MICAL2: variants seen among roughly 807,000 people sequenced by gnomAD.
The protein encoded by MICAL2 is [F-actin]-monooxygenase MICAL2.
In MICAL2, 77 loss-of-function variants were observed where a neutral mutation model predicts 127.3. That is an observed-to-expected ratio of 0.60 (90% CI 0.50 to 0.73). The LOEUF is 0.73. Among genes scored for constraint, MICAL2 ranks in the 30% least tolerant of loss-of-function variants. MICAL2 has a pLI of 0.00. For synonymous variants in MICAL2, 570 were observed against 551.1 expected (o/e 1.03, Z -0.48); for missense variants, 1,351 against 1,434.4 (o/e 0.94, Z 0.94).
At chr11:12,193,663 G>C (rs935482980) in intron 3 of MICAL2, among the ~76,000 whole-genome samples, 2 of 152,200 alleles carry the variant, frequency 1.3e-5, no homozygotes, top group African/African-American at 4.8e-5. Context: ...GTGACTCCCA[G>C]CTCCACCCTT....
chr11:12,189,121 A>G (rs2134006125), intron 3 of MICAL2, among the ~76,000 whole-genome samples: 1 of 152,176 alleles, frequency 6.6e-6, no homozygotes, highest in South Asian at 2.1e-4. Flanking sequence ...TCCAGCCTGA[A>G]TTTGTAATCT....
chr11:12,295,965 A>G (rs573312970), downstream of MICAL2, among the ~76,000 whole-genome samples: 1 of 152,250 alleles, frequency 6.6e-6, no homozygotes, highest in Admixed American at 6.5e-5. Flanking sequence ...TTTGCATACC[A>G]CCAATGAAAA....
chr11:12,223,222 T>A (rs1857027035), intron 11 of MICAL2, among the ~76,000 whole-genome samples, 189 bp from the exon 12 acceptor site: 1 of 152,194 alleles, frequency 6.6e-6, no homozygotes, highest in East Asian at 1.9e-4. Flanking sequence ...TTTGCCTGCA[T>A]CTGGGTGGAA....
chr11:12,220,054 C>G, intron 8 of MICAL2, 147 bp from the exon 9 acceptor site: 1 of 936,016 alleles, frequency 1.1e-6, no homozygotes, highest in Non-Finnish European at 1.6e-6. Flanking sequence ...TTTATTTCCT[C>G]TTTATTCCCT....
chr11:12,290,602 G>A (rs186903984), downstream of MICAL2, among the ~76,000 whole-genome samples: 233 of 152,290 alleles, frequency 1.5e-3, no homozygotes, highest in African/African-American at 5.4e-3. Context: ...CCTTCTAATC[G>A]TGGGCTGCGA....
intron 3 of MICAL2, among the ~76,000 whole-genome samples, chr11:12,178,939 T>G (rs1034139355): frequency 6.6e-6 from 1 of 152,112 alleles, no homozygotes; most frequent in Non-Finnish European, 1.5e-5. Flanking sequence ...CCCCTGCTCT[T>G]CGCCCCCACT....
In MICAL2 at chr11:12,256,905, T is replaced by A; in HGVS notation, c.3076T>A (p.Cys1026Ser). The A allele has an allele frequency of 6.2e-7, 1 of 1,613,542 alleles. No individual in the cohort carries two copies. Among genetic ancestry groups the A allele is most frequent in the Non-Finnish European group, 8.5e-7 (1 of 1,179,818 alleles). ...CGAGGGCCACTTCTTCCACCGGGAG[T>A]GTTTCCGCTGCAGCATCTGTGCCAC... The part of the protein sequence containing the change: ...SAEGHFFHRE[C>S]FRCSICATTL... Residue 1026 changes from cysteine (C) to serine (S), a missense_variant, in exon 24 of 28, where the codon TGT becomes AGT. Cys to Ser is a moderately radical substitution (Grantham distance 112). Transcript: ENST00000683283.
At chr11:12,169,298 CAGT>C (rs1855949488) in intron 3 of MICAL2, among the ~76,000 whole-genome samples, 1 of 152,178 alleles carries the variant, frequency 6.6e-6, no homozygotes. Context: ...TGCTTTATCT[CAGT>C]AGGTGTGGAT....
At chr11:12,186,652 C>G (rs1858326696) in intron 3 of MICAL2, among the ~76,000 whole-genome samples, 1 of 152,184 alleles carries the variant, frequency 6.6e-6, no homozygotes, top group African/African-American at 2.4e-5. Context: ...AGCTGCAAAA[C>G]AAGGACAATA....
Position 12,162,314 on chromosome 11 carries a change from C to T in MICAL2, c.159C>T (p.Leu53=). 1 of 1,614,222 alleles carries T rather than the reference C, an allele frequency of 6.2e-7. No homozygotes were observed. Among genetic ancestry groups the T allele is most frequent in the South Asian group, 1.1e-5 (1 of 91,084 alleles). Residue 53 remains leucine, a synonymous_variant, in exon 3 of 28, where the codon CTC becomes CTT. Transcript: ENST00000683283. ...PLDHRNFYSK[L]KSKVTTWKAK... ...ACCACAGAAACTTTTATTCCAAGCTCAAGTCCAAGGTGACCACCTGGAAAG... is the reference window on the plus strand; with the variant it reads ...ACCACAGAAACTTTTATTCCAAGCTTAAGTCCAAGGTGACCACCTGGAAAG...
At chr11:12,166,022 T>C (rs970299793) in intron 3 of MICAL2, among the ~76,000 whole-genome samples, 1 of 152,196 alleles carries the variant, frequency 6.6e-6, no homozygotes, top group Non-Finnish European at 1.5e-5. Context: ...GATAACTGGC[T>C]CTGTATTAGG....
At chr11:12,341,400 AACACAC>A in intron 32 of MICAL2, among the ~76,000 whole-genome samples, 1 of 152,218 alleles carries the variant, frequency 6.6e-6, no homozygotes, top group Admixed American at 6.5e-5. Flanking sequence ...TTGGATAAAA[AACACAC>A]ACCAATACAT....
chr11:12,242,135 T>G (rs1295814125), intron 18 of MICAL2, 79 bp from the exon 19 acceptor site: 4 of 1,248,266 alleles, frequency 3.2e-6, no homozygotes, highest in African/African-American at 1.5e-5. Flanking sequence ...GTCTCTGGTC[T>G]TCATGGGGGA....
chr11:12,216,710 G>A (rs1178950541), intron 8 of MICAL2, among the ~76,000 whole-genome samples: 1 of 152,142 alleles, frequency 6.6e-6, no homozygotes, highest in Non-Finnish European at 1.5e-5. Flanking sequence ...ATGCTGTGGA[G>A]CCTTGTCACA....
chr11:12,342,457 A>T (rs1007497916), intron 32 of MICAL2, among the ~76,000 whole-genome samples: 1 of 152,268 alleles, frequency 6.6e-6, no homozygotes, highest in African/African-American at 2.4e-5. Context: ...AAGTTACAAA[A>T]TAAAGTTTAG....
In MICAL2 at chr11:12,242,387, C is replaced by T. The variant is rs139720214; in HGVS notation, c.2511C>T (p.Ser837=). Residue 837 remains serine (S), a synonymous_variant, in exon 19 of 28, where the codon TCC becomes TCT. Coordinates refer to ENST00000683283, the MANE Select transcript of MICAL2 (RefSeq NM_001282663.2). ...PSTRPRAQAL[S]GVLWRLQQVE... is the part of the protein sequence containing the mutation. ...CCCGCCCGAGGGCGCAGGCTCTTTCCGGGGTGCTGTGGCGGCTGCAGCAAG... is the reference window on the plus strand; with the variant it reads ...CCCGCCCGAGGGCGCAGGCTCTTTCTGGGGTGCTGTGGCGGCTGCAGCAAG... The T allele has an allele frequency of 5.3e-5, 85 of 1,612,896 alleles. No individual in the cohort carries two copies. The highest frequency in any genetic ancestry group is 1.7e-4 in the Middle Eastern group (1 of 6,048).
In MICAL2 at chr11:12,257,025, C is replaced by A. The variant is rs569638725; in HGVS notation, c.3142+54C>A. Reference sequence around the variant, plus strand: ...GCTCTGGCCTTGGCCTCAGGTGTGACCTTGGCTCGGGTTCCTGTCCCTCTG... The same window carrying A: ...GCTCTGGCCTTGGCCTCAGGTGTGAACTTGGCTCGGGTTCCTGTCCCTCTG... On this transcript the variant is annotated intron_variant, in intron 24 of 27. Coordinates refer to ENST00000683283, the MANE Select transcript of MICAL2 (RefSeq NM_001282663.2). 1.0e-5 allele frequency: 16 copies of A among 1,529,424 alleles called. No individual in the cohort carries two copies. In the East Asian group the frequency reaches 3.3e-4, roughly 31 times the overall value. 94.7% of individuals were successfully genotyped at this position (1,529,424 alleles called of 1,614,324 possible).
At chr11:12,160,262 G>C (rs1477077286) in intron 2 of MICAL2, among the ~76,000 whole-genome samples, 1 of 152,182 alleles carries the variant, frequency 6.6e-6, no homozygotes, top group Non-Finnish European at 1.5e-5. Flanking sequence ...TCCTTTGCAT[G>C]TGCTGTTCTT....
intron 2 of MICAL2, among the ~76,000 whole-genome samples, chr11:12,147,066 G>T (rs996354818): frequency 2.0e-5 from 3 of 151,940 alleles, no homozygotes; most frequent in Admixed American, 6.6e-5. Context: ...GTTATGGGGT[G>T]GGGGGAGCAG....
Sources: gnomAD v4.1 joint callset for allele counts (sites outside exome capture counted in the v4.1 genomes callset) on GRCh38, gnomAD v4.1.1 for gene constraint, MANE v1.5 for transcripts, NCBI Gene and HGNC (gene_info 2026-07-23, HGNC 2026-07-21) for gene names.